SLC1A1: variants seen among roughly 807,000 people sequenced by gnomAD.
SLC1A1 encodes excitatory amino acid transporter 3.
A neutral mutation model predicts 53.3 loss-of-function variants in SLC1A1; 43 were observed. That is an observed-to-expected ratio of 0.81 (90% confidence interval 0.63 to 1.04). The LOEUF (loss-of-function observed/expected upper bound fraction) is 1.04. Among genes scored for constraint, SLC1A1 ranks in the 50% least tolerant of loss-of-function variants. SLC1A1 has a pLI of 0.00. For missense variants in SLC1A1, 748 were observed against 664.9 expected, an observed-to-expected ratio of 1.12 and a Z score of -1.37; for synonymous variants, 307 against 243.2, an observed-to-expected ratio of 1.26 and a Z score of -2.44.
At chr9:4,535,638 G>C (rs909544810) in intron 1 of SLC1A1, among the ~76,000 whole-genome samples, 1 of 152,118 alleles carries the variant, frequency 6.6e-6, no homozygotes, top group African/African-American at 2.4e-5. Context: ...ACTGCCCAAG[G>C]TAATTTATAG....
At chr9:4,539,783 G>A (rs1052171727) in intron 1 of SLC1A1, among the ~76,000 whole-genome samples, 5 of 152,034 alleles carry the variant, frequency 3.3e-5, no homozygotes, top group African/African-American at 1.2e-4. Context: ...GCTTGGCCAG[G>A]ATGGTCTCAA....
At chr9:4,522,771 A>G (rs935160369) in intron 1 of SLC1A1, among the ~76,000 whole-genome samples, 2 of 152,162 alleles carry the variant, frequency 1.3e-5, no homozygotes, top group Middle Eastern at 3.2e-3. Context: ...AGATCTCATG[A>G]GAACTCATTC....
chr9:4,548,007 G>T (rs988751084), intron 2 of SLC1A1, among the ~76,000 whole-genome samples: 1 of 151,978 alleles, frequency 6.6e-6, no homozygotes, highest in South Asian at 2.1e-4. Flanking sequence ...AAACCAAAAG[G>T]TTAACATCCA....
chr9:4,551,295 G>C (rs1298334611), intron 2 of SLC1A1, among the ~76,000 whole-genome samples: 1 of 152,026 alleles, frequency 6.6e-6, no homozygotes, highest in Non-Finnish European at 1.5e-5. Context: ...CCTATGAAAA[G>C]AACCATGCCA....
At chr9:4,536,007 C>T (rs925444022) in intron 1 of SLC1A1, among the ~76,000 whole-genome samples, 5 of 152,160 alleles carry the variant, frequency 3.3e-5, no homozygotes, top group Non-Finnish European at 7.3e-5. Context: ...AAAGCTGAAA[C>T]TGGATCCCTT....
rs763230936 is a variant in SLC1A1, at chr9:4,585,861, G to C, written c.*303G>C. On this transcript the variant is annotated 3_prime_UTR_variant, in exon 12 of 12. Transcript: ENST00000262352. ...TAATAACTGTTAGAATTAGGTAATG[G>C]ATATGAAAGAGAAAATGCTTTCTCA... 6.3e-5 allele frequency: 22 copies of C among 350,908 alleles called. No homozygotes were observed. Among genetic ancestry groups the C allele is most frequent in the Non-Finnish European group, 1.0e-4 (19 of 188,498 alleles). The allele number at this position is 350,908 out of a possible 1,614,324, so 21.7% of individuals were successfully genotyped here. A position where few individuals can be genotyped will look rare whatever the true frequency, so the allele number is the denominator to read the frequency against.
At chr9:4,522,737 C>G (rs916548444) in intron 1 of SLC1A1, among the ~76,000 whole-genome samples, 5 of 152,128 alleles carry the variant, frequency 3.3e-5, no homozygotes, top group African/African-American at 1.2e-4. Context: ...GAAGGAGGAA[C>G]TGTCAAACAC....
intron 2 of SLC1A1, chr9:4,560,056 T>C (rs1818785544): frequency 6.6e-6 from 1 of 152,222 alleles, no homozygotes; most frequent in South Asian, 2.1e-4. Context: ...AAGGACCATT[T>C]GAAGTGAGAT....
At chr9:4,545,256 G>C (rs552172776) in intron 2 of SLC1A1, among the ~76,000 whole-genome samples, 4 of 145,296 alleles carry the variant, frequency 2.8e-5, no homozygotes, top group Non-Finnish European at 6.0e-5. Context: ...ATTTGCTTCT[G>C]TGGAAACATT....
chr9:4,520,969 T>C (rs1816049503), intron 1 of SLC1A1, among the ~76,000 whole-genome samples: 1 of 152,238 alleles, frequency 6.6e-6, no homozygotes, highest in Admixed American at 6.5e-5. Context: ...GCCATTCTAA[T>C]GAGTACAAAG....
intron 1 of SLC1A1, among the ~76,000 whole-genome samples, chr9:4,529,907 C>G (rs1018567165): frequency 6.6e-6 from 1 of 152,144 alleles, no homozygotes; most frequent in Non-Finnish European, 1.5e-5. Context: ...TTTTAGAGTT[C>G]TCAGTCACCT....
intron 10 of SLC1A1, among the ~76,000 whole-genome samples, chr9:4,582,065 C>T (rs538991303): frequency 4.5e-4 from 68 of 152,342 alleles, no homozygotes; most frequent in Middle Eastern, 3.4e-3. Context: ...AGGGCAAGGA[C>T]TTGTCTCCAG....
At chr9:4,581,263 A>G (rs945791672) in intron 10 of SLC1A1, among the ~76,000 whole-genome samples, 3 of 152,240 alleles carry the variant, frequency 2.0e-5, no homozygotes, top group Admixed American at 2.0e-4. Context: ...CCGGTCCTAA[A>G]ACTAGGACCT....
At chr9:4,508,045 G>A (rs1437227175) in intron 1 of SLC1A1, among the ~76,000 whole-genome samples, 1 of 152,160 alleles carries the variant, frequency 6.6e-6, no homozygotes, top group Non-Finnish European at 1.5e-5. Context: ...GTACAAGTCT[G>A]AGCCAAGGGA....
At chr9:4,496,019 G>A (rs1820403024) in intron 1 of SLC1A1, among the ~76,000 whole-genome samples, 1 of 152,190 alleles carries the variant, frequency 6.6e-6, no homozygotes, top group African/African-American at 2.4e-5. Flanking sequence ...AGACAAATGT[G>A]GAGTGGAGTG....
chr9:4,532,048 C>T (rs1265484917), intron 1 of SLC1A1, among the ~76,000 whole-genome samples: 2 of 152,144 alleles, frequency 1.3e-5, no homozygotes, highest in African/African-American at 4.8e-5. Flanking sequence ...CACCAAAACC[C>T]CATCTGTACA....
chr9:4,567,509 T>C (rs377038338), intron 5 of SLC1A1, among the ~76,000 whole-genome samples, 160 bp from the exon 6 acceptor site: 2 of 152,174 alleles, frequency 1.3e-5, no homozygotes, highest in African/African-American at 2.4e-5. Context: ...CAAAACCTGA[T>C]GGGAGGTACC....
chr9:4,584,639 G>A (rs371045498), intron 11 of SLC1A1, among the ~76,000 whole-genome samples: 2 of 152,270 alleles, frequency 1.3e-5, no homozygotes, highest in African/African-American at 4.8e-5. Context: ...GTATCAAAAT[G>A]GATCCTCTCC....
intron 1 of SLC1A1, among the ~76,000 whole-genome samples, chr9:4,534,920 CAT>C (rs1195905228): frequency 2.6e-5 from 4 of 152,104 alleles, no homozygotes; most frequent in African/African-American, 9.7e-5. Flanking sequence ...AATCAATAAA[CAT>C]AATCCAGCAT....
Sources: allele counts gnomAD v4.1 joint callset (sites outside exome capture counted in the v4.1 genomes callset), GRCh38; gene constraint gnomAD v4.1.1; transcripts MANE v1.5; gene names NCBI Gene and HGNC (gene_info 2026-07-23, HGNC 2026-07-21).